DAB2: variants seen among roughly 807,000 people sequenced by gnomAD.
The protein encoded by DAB2 is DAB adaptor protein 2, also known as disabled homolog 2.
A neutral mutation model predicts 71.6 loss-of-function variants in DAB2; 28 were observed. The observed-to-expected ratio is 0.39, with a 90% CI of 0.29 to 0.54. The LOEUF is 0.54. Ranked by LOEUF, DAB2 falls within the 20% of genes least tolerant of loss-of-function variation. The pLI, the probability that DAB2 is intolerant of heterozygous loss-of-function variation, is 0.68. For synonymous variants in DAB2, 345 were observed against 339.7 expected (o/e 1.02, Z -0.17); for missense variants, 867 against 928.8 (o/e 0.93, Z 0.86).
At chr5:39,412,072 T>C (rs571129650) in intron 1 of DAB2, among the ~76,000 whole-genome samples, 4 of 152,124 alleles carry the variant, frequency 2.6e-5, no homozygotes, top group Non-Finnish European at 4.4e-5. Flanking sequence ...GGCGGTTTCC[T>C]ACCCTAAATG....
intron 1 of DAB2, among the ~76,000 whole-genome samples, chr5:39,416,987 A>T (rs1335858826): frequency 1.3e-5 from 2 of 152,110 alleles, no homozygotes; most frequent in Non-Finnish European, 1.5e-5. Flanking sequence ...ACTCAAACAC[A>T]TTCTGCCAAT....
intron 7 of DAB2, 22 bp downstream of exon 7, chr5:39,389,075 A>G (rs1278204727): frequency 1.9e-6 from 3 of 1,611,080 alleles, no homozygotes; most frequent in Non-Finnish European, 2.5e-6. Context: ...ATGATTAACA[A>G]GAAGTAAAGA....
rs1046605300 is a variant in DAB2 at position 39,383,051 on chromosome 5, G to A, written c.908C>T (p.Pro303Leu). 1.2e-6 allele frequency: 2 copies of A among 1,614,040 alleles called. No individual in the cohort carries two copies. Among genetic ancestry groups the A allele is most frequent in the African/African-American group, 2.7e-5 (2 of 74,924 alleles). ...DPFRDDPFTQ[P>L]DQSTPSSFDS... is the part of the protein sequence containing the mutation. ...AAACGAAGAAGGTGTCGATTGGTCT[G>A]GCTGTGTGAAAGGATCGTCACGGAA... Residue 303 changes from proline (P) to leucine (L), a missense_variant, in exon 10 of 15, where the codon CCA becomes CTA. Physicochemically the swap from Pro to Leu is moderately conservative, Grantham distance 98. Around this residue, in one of 2 missense-constraint regions of DAB2, gnomAD observed 740 missense variants for 734.3 expected, o/e 1.01. Coordinates refer to ENST00000320816, the MANE Select transcript of DAB2 (RefSeq NM_001343.4).
intron 10 of DAB2, among the ~76,000 whole-genome samples, chr5:39,381,829 G>T (rs1276221629): frequency 1.3e-5 from 2 of 152,214 alleles, no homozygotes; most frequent in Non-Finnish European, 2.9e-5. Flanking sequence ...GAGTCTTAGT[G>T]TCTGACACTA....
chr5:39,388,442 T>C lies in DAB2; in HGVS notation c.625-75A>G, dbSNP rs538701326. The C allele has an allele frequency of 1.5e-5, 16 of 1,084,514 alleles. No homozygotes were observed. The Admixed American group carries it at 2.2e-4, about 15-fold the overall frequency. 67.2% of individuals were successfully genotyped at this position (1,084,514 alleles called of 1,614,324 possible). On this transcript the variant is annotated intron_variant, in intron 8 of 14. Transcript: ENST00000320816. ...ACTTCGTATATTGTAATCATTTGTT[T>C]CCTAAAGTTTAGGAAAGTAGCTGTC...
chr5:39,401,762 T>TTTATTTACTTACTTAC (rs879679271), intron 1 of DAB2, among the ~76,000 whole-genome samples: 80 of 151,260 alleles, frequency 5.3e-4, no homozygotes, highest in Admixed American at 2.0e-3. Flanking sequence ...TATTTATTTA[T>TTTATTTACTTACTTAC]TTATTTTTGA....
rs1421003270 is a variant in DAB2, at chr5:39,382,942, A to T, written c.1017T>A (p.Asp339Glu). 8.7e-6 allele frequency: 14 copies of T among 1,614,162 alleles called. No homozygotes were observed. Among genetic ancestry groups the T allele is most frequent in the Non-Finnish European group, 1.2e-5 (14 of 1,180,026 alleles). The change falls in exon 10 of 15, where the codon GAT becomes GAA. Residue 339 changes from aspartate (D) to glutamate (E), a missense_variant. This residue lies in a region of DAB2 where 740 missense variants were observed against 734.3 expected (regional missense o/e 1.01). Coordinates refer to ENST00000320816, the MANE Select transcript of DAB2 (RefSeq NM_001343.4). The stretch of plus-strand genomic sequence containing the variant: ...CAAATTGCTGACCAAAGTAGTCAAC[A>T]TCACCATTCAGGGGCCCATTACTCA... ...TPLSNGPLNG[D>E]VDYFGQQFDQ...
intron 1 of DAB2, among the ~76,000 whole-genome samples, chr5:39,421,918 AT>A (rs1304090236): frequency 1.7e-4 from 23 of 132,866 alleles, no homozygotes; most frequent in Non-Finnish European, 2.9e-4. Flanking sequence ...AAAAAAAAAA[AT>A]ATTATCCAGG....
At chr5:39,377,695 T>A (rs1171339838) in intron 11 of DAB2, among the ~76,000 whole-genome samples, 1 of 152,218 alleles carries the variant, frequency 6.6e-6, no homozygotes, top group East Asian at 1.9e-4. Flanking sequence ...ACCATGCTGA[T>A]TATGATGTAG....
chr5:39,405,029 C>T (rs1437987759), intron 1 of DAB2, among the ~76,000 whole-genome samples: 1 of 152,220 alleles, frequency 6.6e-6, no homozygotes, highest in African/African-American at 2.4e-5. Context: ...CTTAACTGCA[C>T]TAAAGTTGGA....
chr5:39,411,125 T>A (rs3843909), intron 1 of DAB2, among the ~76,000 whole-genome samples: 4 of 152,028 alleles, frequency 2.6e-5, no homozygotes, highest in Non-Finnish European at 4.4e-5. Context: ...TAGCATGAGG[T>A]GAACTAATAG....
chr5:39,392,061 A>T (rs138967297), intron 4 of DAB2: 4,934 of 148,160 alleles, frequency 0.033, 108 homozygotes, highest in Middle Eastern at 0.046. Flanking sequence ...TATATAAATT[A>T]TATATATTTA....
At chr5:39,414,588 T>G (rs563687789) in intron 1 of DAB2, among the ~76,000 whole-genome samples, 6 of 152,040 alleles carry the variant, frequency 3.9e-5, no homozygotes, top group African/African-American at 1.4e-4. Context: ...AACTAGCAAC[T>G]TGGAAAGACC....
rs775183439 is a variant in DAB2 at position 39,382,907 on chromosome 5, G to C, written c.1052C>G (p.Ser351Cys). The change falls in exon 10 of 15, where the codon TCT (serine) becomes TGT (cysteine). Residue 351 changes from serine (S) to cysteine (C), a missense_variant. Coordinates refer to ENST00000320816, the MANE Select transcript of DAB2 (RefSeq NM_001343.4). ...DYFGQQFDQI[S>C]NRTGKQEAQA... ...AGCTTCCTGTTTGCCAGTCCGGTTA[G>C]AGATCTGGTCAAATTGCTGACCAAA... is the stretch of plus-strand genomic sequence containing the variant. The C allele has an allele frequency of 2.5e-6, 4 of 1,614,142 alleles. No individual in the cohort carries two copies. In the Middle Eastern group the frequency reaches 4.9e-4, roughly 200 times the overall value.
intron 11 of DAB2, 85 bp downstream of exon 11, chr5:39,381,368 TG>T: frequency 7.2e-7 from 1 of 1,394,698 alleles, no homozygotes; most frequent in Non-Finnish European, 9.9e-7. Context: ...TAAAACCCTC[TG>T]GGAGTATGAA....
intron 9 of DAB2, chr5:39,385,326 G>T (rs930239351): frequency 6.6e-6 from 1 of 152,216 alleles, no homozygotes; most frequent in Non-Finnish European, 1.5e-5. Flanking sequence ...GGTTAGAACA[G>T]TTGAGTGTTC....
chr5:39,401,762 T>TTTACTTACTTAC (rs74636762), intron 1 of DAB2, among the ~76,000 whole-genome samples: 3,867 of 151,254 alleles, frequency 0.026, 62 homozygotes, highest in South Asian at 0.045. Flanking sequence ...TATTTATTTA[T>TTTACTTACTTAC]TTATTTTTGA....
chr5:39,396,045 C>T (rs1252166233), intron 1 of DAB2, among the ~76,000 whole-genome samples: 8 of 139,984 alleles, frequency 5.7e-5, no homozygotes, highest in Admixed American at 1.6e-4. Context: ...CGGGTTCAAG[C>T]GATTCTCCTG....
intron 1 of DAB2, among the ~76,000 whole-genome samples, chr5:39,395,934 A>ATTATTTTTTTT (rs1561373222): frequency 3.0e-5 from 1 of 32,894 alleles, no homozygotes; most frequent in South Asian, 1.3e-3. Context: ...AGACACAGAT[A>ATTATTTTTTTT]TTCTTTTTTT....
Sources: allele counts gnomAD v4.1 joint callset (sites outside exome capture counted in the v4.1 genomes callset), GRCh38; gene constraint gnomAD v4.1.1; regional missense constraint gnomAD v4.1.1; transcripts MANE v1.5; gene names NCBI Gene and HGNC (gene_info 2026-07-23, HGNC 2026-07-21).